GALNTL6: variants seen among roughly 807,000 people sequenced by gnomAD.
GALNTL6 encodes the protein polypeptide N-acetylgalactosaminyltransferase like 6, also known as polypeptide N-acetylgalactosaminyltransferase-like 6.
Under a neutral mutation model 73.7 loss-of-function variants are expected in GALNTL6, and 46 were observed. The ratio of observed to expected loss-of-function variants is 0.62; its 90% CI spans 0.49 to 0.80. GALNTL6 has a LOEUF of 0.80. Ranked by LOEUF, GALNTL6 falls within the 30% of genes least tolerant of loss-of-function variation. The probability of loss-of-function intolerance (pLI) is 0.00; values close to 1 mark genes in which losing one functional copy is unlikely to be tolerated. For missense variants in GALNTL6, 604 were observed against 755.0 expected (o/e 0.80, Z 2.34); for synonymous variants, 259 against 263.7 (o/e 0.98, Z 0.17).
chr4:172,352,211 A>G (rs1054943051), intron 5 of GALNTL6, among the ~76,000 whole-genome samples: 2 of 152,180 alleles, frequency 1.3e-5, no homozygotes, highest in African/African-American at 4.8e-5. Flanking sequence ...AATAAGATTG[A>G]CCTAGTTCTC....
At chr4:172,566,297 A>G (rs970981310) in intron 5 of GALNTL6, among the ~76,000 whole-genome samples, 3 of 152,184 alleles carry the variant, frequency 2.0e-5, no homozygotes, top group African/African-American at 7.2e-5. Context: ...TTAGTTCACA[A>G]AATAAGTCTT....
intron 5 of GALNTL6, among the ~76,000 whole-genome samples, chr4:172,657,137 AG>A (rs1731073900): frequency 6.6e-6 from 1 of 152,220 alleles, no homozygotes; most frequent in African/African-American, 2.4e-5. Context: ...TAGGCCACTG[AG>A]CTCTGCTAGT....
chr4:172,439,202 A>G (rs1316361789), intron 5 of GALNTL6, among the ~76,000 whole-genome samples: 2 of 150,480 alleles, frequency 1.3e-5, no homozygotes, highest in Non-Finnish European at 3.0e-5. Context: ...ACACACACAC[A>G]CACACACACT....
intron 5 of GALNTL6, among the ~76,000 whole-genome samples, chr4:172,438,996 C>T (rs1195475592): frequency 6.6e-6 from 1 of 152,054 alleles, no homozygotes; most frequent in Admixed American, 6.6e-5. Flanking sequence ...AAGCCTTCCT[C>T]TTTACCTCTC....
intron 2 of GALNTL6, among the ~76,000 whole-genome samples, chr4:172,103,453 T>C (rs77485506): frequency 6.6e-6 from 1 of 152,306 alleles, no homozygotes; most frequent in Non-Finnish European, 1.5e-5. Flanking sequence ...ATATATATTT[T>C]ATAGTATTTT....
chr4:172,802,987 T>C (rs1489570383), intron 5 of GALNTL6, among the ~76,000 whole-genome samples: 4 of 152,240 alleles, frequency 2.6e-5, no homozygotes, highest in African/African-American at 9.6e-5. Flanking sequence ...TGTAGACATA[T>C]AGCTCAGATG....
chr4:173,012,056 AC>A (rs1033279157), intron 11 of GALNTL6, among the ~76,000 whole-genome samples: 5 of 152,206 alleles, frequency 3.3e-5, no homozygotes, highest in African/African-American at 9.6e-5. Flanking sequence ...GGTGCATACC[AC>A]CAAGCTCACC....
intron 5 of GALNTL6, among the ~76,000 whole-genome samples, chr4:172,751,147 A>G (rs1403230113): frequency 1.3e-5 from 2 of 152,216 alleles, no homozygotes; most frequent in East Asian, 1.9e-4. Flanking sequence ...CGCATATGGA[A>G]GTGATAGAAA....
At chr4:171,942,241 G>GATAAATAA (rs994011783) in intron 2 of GALNTL6, among the ~76,000 whole-genome samples, 2 of 30,202 alleles carry the variant, frequency 6.6e-5, no homozygotes, top group African/African-American at 1.0e-4. Context: ...AAAATAAATA[G>GATAAATAA]ATAAATAAAT....
chr4:173,033,559 GTTC>G (rs1264703480), intron 12 of GALNTL6, among the ~76,000 whole-genome samples: 1 of 152,098 alleles, frequency 6.6e-6, no homozygotes, highest in East Asian at 1.9e-4. Flanking sequence ...TATCAACCTT[GTTC>G]TTCTGCACAA....
chr4:173,039,338 C>G (rs1173605741), intron 12 of GALNTL6, among the ~76,000 whole-genome samples: 1 of 152,192 alleles, frequency 6.6e-6, no homozygotes. Flanking sequence ...GCCTGTGTGT[C>G]CCTTGTCCCA....
intron 5 of GALNTL6, among the ~76,000 whole-genome samples, chr4:172,643,255 T>A (rs1418562163): frequency 6.6e-6 from 1 of 151,902 alleles, no homozygotes; most frequent in Non-Finnish European, 1.5e-5. Context: ...TTCAAAATGA[T>A]CACATAAATC....
chr4:172,339,090 T>C (rs1741448997), intron 4 of GALNTL6, among the ~76,000 whole-genome samples: 1 of 152,174 alleles, frequency 6.6e-6, no homozygotes, highest in Admixed American at 6.5e-5. Context: ...AGTGCTTTGC[T>C]GCACTGTGGT....
At chr4:172,153,823 T>A (rs1202325575) in intron 2 of GALNTL6, among the ~76,000 whole-genome samples, 1 of 152,190 alleles carries the variant, frequency 6.6e-6, no homozygotes. Flanking sequence ...TTTCATGACC[T>A]AGGAATTAAA....
intron 5 of GALNTL6, among the ~76,000 whole-genome samples, chr4:172,565,642 T>A (rs1736525726): frequency 6.6e-6 from 1 of 152,230 alleles, no homozygotes; most frequent in Non-Finnish European, 1.5e-5. Context: ...GTGCTTCCTC[T>A]TCTTCAGATT....
chr4:171,980,124 T>C (rs1739853638), intron 2 of GALNTL6, among the ~76,000 whole-genome samples: 1 of 152,048 alleles, frequency 6.6e-6, no homozygotes, highest in Non-Finnish European at 1.5e-5. Flanking sequence ...AATAATAGCA[T>C]TGAGGAAGAA....
At chr4:172,589,930 G>T (rs1240163201) in intron 5 of GALNTL6, among the ~76,000 whole-genome samples, 1 of 152,134 alleles carries the variant, frequency 6.6e-6, no homozygotes, top group South Asian at 2.1e-4. Context: ...TTTACTCTTT[G>T]TAACTCTAGA....
intron 5 of GALNTL6, among the ~76,000 whole-genome samples, chr4:172,426,536 G>T (rs1294612566): frequency 6.6e-6 from 1 of 152,086 alleles, no homozygotes; most frequent in Admixed American, 6.6e-5. Context: ...TGGAGGAAAA[G>T]TAAAACAAGC....
At chr4:172,137,709 G>T (rs1733675380) in intron 2 of GALNTL6, among the ~76,000 whole-genome samples, 1 of 152,166 alleles carries the variant, frequency 6.6e-6, no homozygotes, top group African/African-American at 2.4e-5. Context: ...AATGTGTTCT[G>T]TGATATTTGA....
Sources: allele counts gnomAD v4.1 joint callset (sites outside exome capture counted in the v4.1 genomes callset), GRCh38; gene constraint gnomAD v4.1.1; transcripts MANE v1.5; gene names NCBI Gene and HGNC (gene_info 2026-07-23, HGNC 2026-07-21).